DNAH14: variants seen among roughly 807,000 people sequenced by gnomAD.
The protein encoded by DNAH14 is axonemal beta dynein heavy chain 14.
In DNAH14, 478 loss-of-function variants were observed where a neutral mutation model predicts 520.9. The ratio of observed to expected loss-of-function variants is 0.92; its 90% CI spans 0.85 to 0.99. DNAH14 has a LOEUF of 0.99. Among genes scored for constraint, DNAH14 ranks in the 50% least tolerant of loss-of-function variants. The pLI, the probability that DNAH14 is intolerant of heterozygous loss-of-function variation, is 0.00. For missense variants in DNAH14, 4,831 were observed against 5,234.5 expected, an observed-to-expected ratio of 0.92 and a Z score of 2.38; for synonymous variants, 1,581 against 1,757.2, an observed-to-expected ratio of 0.90 and a Z score of 2.51.
intron 27 of DNAH14, among the ~76,000 whole-genome samples, chr1:225,128,968 G>A (rs2078076766): frequency 6.6e-6 from 1 of 151,986 alleles, no homozygotes; most frequent in Non-Finnish European, 1.5e-5. Flanking sequence ...CTTCAGCAAA[G>A]TCTCAGGATA....
intron 54 of DNAH14, among the ~76,000 whole-genome samples, chr1:225,289,371 T>C (rs1574542150): frequency 6.6e-6 from 1 of 152,174 alleles, no homozygotes; most frequent in South Asian, 2.1e-4. Flanking sequence ...TGACAAGGGT[T>C]GCATAAGTCT....
intron 34 of DNAH14, among the ~76,000 whole-genome samples, chr1:225,156,872 G>A (rs1321474538): frequency 1.5e-5 from 2 of 137,540 alleles, no homozygotes; most frequent in Non-Finnish European, 3.1e-5. Context: ...CCGCCACTAC[G>A]CCCGGCTAAT....
intron 39 of DNAH14, among the ~76,000 whole-genome samples, chr1:225,205,510 C>T (rs1559285927): frequency 1.3e-5 from 2 of 152,168 alleles, no homozygotes; most frequent in Non-Finnish European, 2.9e-5. Context: ...CCCAAATGGA[C>T]TAACACCCTG....
intron 17 of DNAH14, among the ~76,000 whole-genome samples, chr1:225,069,875 A>C (rs920189075): frequency 3.3e-5 from 5 of 152,028 alleles, no homozygotes; most frequent in African/African-American, 1.2e-4. Context: ...TTACTGCCTC[A>C]ATTTTAGAAC....
chr1:225,392,408 T>A lies in DNAH14; in HGVS notation c.13448T>A (p.Val4483Glu), dbSNP rs778691345. 70 of 1,551,918 alleles carry A rather than the reference T, an allele frequency of 4.5e-5. No individual in the cohort carries two copies. Among genetic ancestry groups the A allele is most frequent in the Middle Eastern group, 1.7e-4 (1 of 6,016 alleles). The change falls in exon 84 of 86, where the codon GTA becomes GAA. Residue 4483 changes from valine to glutamate, a missense_variant. Val to Glu is a moderately radical substitution (Grantham distance 121). Coordinates refer to ENST00000682510, the MANE Select transcript of DNAH14 (RefSeq NM_001367479.1). The stretch of plus-strand genomic sequence containing the variant: ...ACTGACAAGGATGAGAAGTTCTCCG[T>A]ATTTATGCCAAAGAAACTCAACATA... ...NTTDKDEKFS[V>E]FMPKKLNIVR...
Position 225,272,892 on chromosome 1 carries a change from T to C in DNAH14, c.7840-63T>C, listed in dbSNP as rs550491867. On this transcript the variant is annotated intron_variant, in intron 51 of 85. Coordinates refer to ENST00000682510, the MANE Select transcript of DNAH14 (RefSeq NM_001367479.1). ...ATCATAAACCTGCAAAAATTGAGCC[T>C]TCGCTTCACATACTACCCTGCTAAT... is the stretch of plus-strand genomic sequence containing the variant. The C allele has an allele frequency of 4.1e-5, 59 of 1,424,870 alleles. No individual in the cohort carries two copies. In the East Asian group the frequency reaches 1.6e-3, roughly 38 times the overall value. The allele number at this position is 1,424,870 out of a possible 1,614,324, so 88.3% of individuals were successfully genotyped here.
rs1009922347 is a variant in DNAH14 at position 225,240,747 on chromosome 1, C to G, written c.6673C>G (p.Pro2225Ala). 1.9e-6 allele frequency: 3 copies of G among 1,550,478 alleles called. No individual in the cohort carries two copies. The highest frequency in any genetic ancestry group is 1.4e-5 in the African/African-American group (1 of 73,114). Reference sequence around the variant, plus strand: ...TATACCATTTTGTCCCAGTCTTGAACCTGATTCTCTTGCAAAAGTAACATA... The same window carrying G: ...TATACCATTTTGTCCCAGTCTTGAAGCTGATTCTCTTGCAAAAGTAACATA... Reference protein sequence around the residue: ...ENIPFCPSLEPDSLAKVTYDF... With the variant: ...ENIPFCPSLEADSLAKVTYDF... Residue 2225 changes from proline to alanine, a missense_variant, in exon 43 of 86, where the codon CCT becomes GCT. Physicochemically the swap from Pro to Ala is conservative, Grantham distance 27. Transcript: ENST00000682510.
intron 34 of DNAH14, among the ~76,000 whole-genome samples, chr1:225,157,888 CTA>C (rs1289258449): frequency 6.6e-6 from 1 of 152,132 alleles, no homozygotes; most frequent in African/African-American, 2.4e-5. Flanking sequence ...TTCCAACCCG[CTA>C]TAACTCTCCC....
intron 54 of DNAH14, among the ~76,000 whole-genome samples, chr1:225,280,056 A>G (rs1574486620): frequency 1.3e-5 from 2 of 152,128 alleles, no homozygotes; most frequent in East Asian, 3.9e-4. Flanking sequence ...AAACTTCACT[A>G]GAGGAGCTCA....
At chr1:224,963,813 A>G (rs1476263618) in intron 4 of DNAH14, among the ~76,000 whole-genome samples, 1 of 152,118 alleles carries the variant, frequency 6.6e-6, no homozygotes, top group Non-Finnish European at 1.5e-5. Context: ...ATAGTGTCTT[A>G]TACAAGAGCT....
chr1:225,123,670 G>A lies in DNAH14; in HGVS notation c.4254+56G>A, dbSNP rs1345747081. Reference sequence around the variant, plus strand: ...CAGGGACACCTTGGAGATATTGCAGGTTCAATTTCAGACCACTGTAATAAA... The same window carrying A: ...CAGGGACACCTTGGAGATATTGCAGATTCAATTTCAGACCACTGTAATAAA... On this transcript the variant is annotated intron_variant, in intron 27 of 85. Transcript: ENST00000682510. 4 of 270,744 alleles carry A rather than the reference G, an allele frequency of 1.5e-5. No homozygotes were observed. In the Admixed American group the frequency reaches 1.7e-4, roughly 12 times the overall value. The allele number at this position is 270,744 out of a possible 1,614,324, so 16.8% of individuals were successfully genotyped here. A position where few individuals can be genotyped will look rare whatever the true frequency, so the allele number is the denominator to read the frequency against.
chr1:225,051,935 ATAT>A lies in DNAH14; in HGVS notation c.2424+144_2424+146del, dbSNP rs1178161365. 1.3e-5 allele frequency: 8 copies of A among 607,300 alleles called. No individual in the cohort carries two copies. The African/African-American group carries it at 1.3e-4, about 10-fold the overall frequency. The allele number at this position is 607,300 out of a possible 1,614,324, so 37.6% of individuals were successfully genotyped here. A position where few individuals can be genotyped will look rare whatever the true frequency, so the allele number is the denominator to read the frequency against. The stretch of plus-strand genomic sequence containing the variant: ...GGTGAAAAAATGAAGATATACATAA[ATAT>A]TATACTCAGAAAATTTTAATGTGTA... On this transcript the variant is annotated intron_variant, in intron 17 of 85. Coordinates refer to ENST00000682510, the MANE Select transcript of DNAH14 (RefSeq NM_001367479.1).
intron 34 of DNAH14, among the ~76,000 whole-genome samples, chr1:225,157,147 T>C (rs2081125847): frequency 6.6e-6 from 1 of 152,236 alleles, no homozygotes. Flanking sequence ...CTCTTTCCTT[T>C]AAAATAATTT....
At chr1:225,075,421 C>G (rs2072141202) in intron 17 of DNAH14, among the ~76,000 whole-genome samples, 1 of 152,172 alleles carries the variant, frequency 6.6e-6, no homozygotes, top group African/African-American at 2.4e-5. Context: ...CTAGCTGCTT[C>G]TAGTCAGCCA....
At chr1:225,159,906 T>C (rs1004767666) in intron 35 of DNAH14, among the ~76,000 whole-genome samples, 1 of 152,172 alleles carries the variant, frequency 6.6e-6, no homozygotes, top group Non-Finnish European at 1.5e-5. Flanking sequence ...GTTTCTCTTA[T>C]ATCTATAGCC....
chr1:225,317,671 A>T (rs1459711723), intron 60 of DNAH14, among the ~76,000 whole-genome samples: 1 of 152,212 alleles, frequency 6.6e-6, no homozygotes, highest in African/African-American at 2.4e-5. Context: ...CTGCTTATCA[A>T]GTATACTCAG....
chr1:225,043,208 T>A (rs369266682), intron 13 of DNAH14, 94 bp downstream of exon 13: 1 of 1,266,276 alleles, frequency 7.9e-7, no homozygotes. Flanking sequence ...GGTGGGAGGA[T>A]CACTTGATGC....
At chr1:225,338,281 G>T (rs2095103597) in intron 68 of DNAH14, 99 bp downstream of exon 68, 1 of 1,372,192 alleles carries the variant, frequency 7.3e-7, no homozygotes, top group African/African-American at 1.4e-5. Context: ...TCTACATGGA[G>T]GAAAAAGTAA....
At chr1:225,073,661 TTTTG>T (rs1419811807) in intron 17 of DNAH14, among the ~76,000 whole-genome samples, 2 of 146,556 alleles carry the variant, frequency 1.4e-5, no homozygotes, top group African/African-American at 5.3e-5. Context: ...GTTTTCAGTT[TTTTG>T]TTGTTGTTGT....
Sources: allele counts gnomAD v4.1 joint callset (sites outside exome capture counted in the v4.1 genomes callset), GRCh38; gene constraint gnomAD v4.1.1; transcripts MANE v1.5; gene names NCBI Gene and HGNC (gene_info 2026-07-23, HGNC 2026-07-21).